The following NSUN3 variants were observed in gnomAD, a reference collection of about 807,000 sequenced individuals.
NSUN3 encodes the protein tRNA (cytosine(34)-C(5))-methyltransferase, mitochondrial.
NSUN3 carries 24 observed loss-of-function variants against 36.8 expected under a neutral mutation model. That is an observed-to-expected ratio of 0.65 (90% CI 0.47 to 0.92). The LOEUF (loss-of-function observed/expected upper bound fraction) is 0.92, where lower values mean the gene tolerates loss of function less well. Among genes scored for constraint, NSUN3 ranks in the 40% least tolerant of loss-of-function variants. The pLI, the probability that NSUN3 is intolerant of heterozygous loss-of-function variation, is 0.00. For synonymous variants in NSUN3, 146 were observed against 145.2 expected (o/e 1.01, Z -0.04); for missense variants, 381 against 392.8 (o/e 0.97, Z 0.25).
chr3:94,111,698 G>A (rs922134923), intron 5 of NSUN3, among the ~76,000 whole-genome samples: 3 of 151,964 alleles, frequency 2.0e-5, no homozygotes, highest in Non-Finnish European at 4.4e-5. Flanking sequence ...CCACCTCCAT[G>A]TCTTATCCCA....
chr3:94,063,872 C>T lies in NSUN3; in HGVS notation c.13-565C>T, dbSNP rs147896233. 790 of 152,524 alleles carry T rather than the reference C, an allele frequency of 5.2e-3. 6 individuals carry two copies. Among genetic ancestry groups the T allele is most frequent in the Middle Eastern group, 0.024 (7 of 296 alleles). 9.4% of individuals were successfully genotyped at this position (152,524 alleles called of 1,614,324 possible). A position where few individuals can be genotyped will look rare whatever the true frequency, so the allele number is the denominator to read the frequency against. ...GAACTGGGAAATGATCCTCTCGCCT[C>T]GTCCCTGCAAAGCATGAGCCAGCTG... On this transcript the variant is annotated intron_variant, in intron 1 of 5. Coordinates refer to ENST00000314622, the MANE Select transcript of NSUN3 (RefSeq NM_022072.5).
intron 2 of NSUN3, among the ~76,000 whole-genome samples, chr3:94,077,436 G>T (rs1195518926): frequency 6.6e-6 from 1 of 152,186 alleles, no homozygotes; most frequent in Non-Finnish European, 1.5e-5. Context: ...TTTGTGTCAA[G>T]ATTATGCTGG....
chr3:94,070,594 C>G (rs1471092678), intron 2 of NSUN3, among the ~76,000 whole-genome samples: 1 of 152,180 alleles, frequency 6.6e-6, no homozygotes, highest in African/African-American at 2.4e-5. Context: ...CCTCAACTTT[C>G]ATGTATTCTC....
chr3:94,109,389 G>T (rs375234232), intron 5 of NSUN3, among the ~76,000 whole-genome samples: 2 of 152,070 alleles, frequency 1.3e-5, no homozygotes, highest in South Asian at 4.2e-4. Context: ...ATCGGAGTTT[G>T]GTCAGAGTAA....
rs1206598334 is a variant in NSUN3, at chr3:94,129,934, T to G, written c.*3444T>G. Among the ~76,000 whole-genome samples, 3 of 151,814 alleles carry G rather than the reference T, an allele frequency of 2.0e-5. No individual in the cohort carries two copies. The highest frequency in any genetic ancestry group is 2.9e-5 in the Non-Finnish European group (2 of 67,964). ...TGCTTGGCTAATTTTTTTTGTATTT[T>G]TAGTAAAGATGGGGTTCCACCATCT... On this transcript the variant is annotated 3_prime_UTR_variant, in exon 6 of 6. Transcript: ENST00000314622.
intron 5 of NSUN3, among the ~76,000 whole-genome samples, chr3:94,117,144 G>T (rs1009633164): frequency 2.6e-5 from 4 of 151,596 alleles, no homozygotes; most frequent in African/African-American, 7.3e-5. Flanking sequence ...GGTTATAGGC[G>T]CACGCCACCA....
At chr3:94,076,211 T>G (rs1204329875) in intron 2 of NSUN3, 1 of 915,054 alleles carries the variant, frequency 1.1e-6, no homozygotes, top group East Asian at 2.4e-5. Context: ...GTGAGGTGAC[T>G]ACTGAACCTG....
chr3:94,073,641 G>C (rs1336787062), intron 2 of NSUN3, among the ~76,000 whole-genome samples: 1 of 152,120 alleles, frequency 6.6e-6, no homozygotes, highest in Non-Finnish European at 1.5e-5. Context: ...CTCACTTTTT[G>C]ATGAGGTTGT....
chr3:94,112,722 G>A (rs1190746235), intron 5 of NSUN3, among the ~76,000 whole-genome samples: 1 of 152,162 alleles, frequency 6.6e-6, no homozygotes, highest in African/African-American at 2.4e-5. Context: ...AGGCAGTTTA[G>A]GAAATTAGCC....
chr3:94,074,194 G>GT (rs2077237401), intron 2 of NSUN3, among the ~76,000 whole-genome samples: 1 of 152,162 alleles, frequency 6.6e-6, no homozygotes, highest in Non-Finnish European at 1.5e-5. Flanking sequence ...TGCCGTTTTG[G>GT]TTACTGTAGC....
chr3:94,127,543 T>C lies in NSUN3; in HGVS notation c.*1053T>C, dbSNP rs745958612. ...GGAATACTGTATACATTTCTTCTTA[T>C]GTACTTAGGGTTTTAGCTTCAGTCA... On this transcript the variant is annotated 3_prime_UTR_variant, in exon 6 of 6. Transcript: ENST00000314622. 4 of 152,214 alleles carry C rather than the reference T, an allele frequency of 2.6e-5. No individual in the cohort carries two copies. Among genetic ancestry groups the C allele is most frequent in the East Asian group, 1.9e-4 (1 of 5,196 alleles). 9.4% of individuals were successfully genotyped at this position (152,214 alleles called of 1,614,324 possible). A position where few individuals can be genotyped will look rare whatever the true frequency, so the allele number is the denominator to read the frequency against.
At chr3:94,070,329 T>C (rs2077220708) in intron 2 of NSUN3, among the ~76,000 whole-genome samples, 2 of 152,120 alleles carry the variant, frequency 1.3e-5, no homozygotes. Flanking sequence ...GGTGTGGTGG[T>C]GCGTGCCTGT....
At chr3:94,066,629 A>G (rs1049311660) in intron 2 of NSUN3, among the ~76,000 whole-genome samples, 1 of 152,018 alleles carries the variant, frequency 6.6e-6, no homozygotes. Context: ...TTCTTGCTCT[A>G]TTTGTTGCCT....
At chr3:94,088,304 C>T (rs547467713) in intron 3 of NSUN3, among the ~76,000 whole-genome samples, 1 of 152,066 alleles carries the variant, frequency 6.6e-6, no homozygotes, top group Non-Finnish European at 1.5e-5. Context: ...TTTTAGTAGT[C>T]TCTGCTTCCA....
rs769455827 is a variant in NSUN3, at chr3:94,131,340, G to C, written c.*4850G>C. Among the ~76,000 whole-genome samples, 17 of 152,078 alleles carry C rather than the reference G, an allele frequency of 1.1e-4. No individual in the cohort carries two copies. Among genetic ancestry groups the C allele is most frequent in the Admixed American group, 2.6e-4 (4 of 15,254 alleles). On this transcript the variant is annotated 3_prime_UTR_variant, in exon 6 of 6. Transcript: ENST00000314622. ...TAGAGCCGCGATCAAAACTGGCTCC[G>C]AGGTCCAGGCCCTTTTCCCAACACT...
intron 2 of NSUN3, among the ~76,000 whole-genome samples, chr3:94,072,307 A>G (rs181524342): frequency 3.9e-5 from 6 of 152,300 alleles, no homozygotes; most frequent in Admixed American, 1.3e-4. Context: ...TTTGAATCAG[A>G]TACTTCTGCG....
At chr3:94,087,869 A>G (rs966238496) in intron 3 of NSUN3, among the ~76,000 whole-genome samples, 2 of 152,048 alleles carry the variant, frequency 1.3e-5, no homozygotes, top group Non-Finnish European at 2.9e-5. Context: ...GGGTTTCACT[A>G]TGTTGCCCAG....
At position 94,063,124 on chromosome 3, in the gene NSUN3, A is replaced by G; in HGVS notation, c.-3A>G. On this transcript the variant is annotated 5_prime_UTR_variant, in exon 1 of 6. Transcript: ENST00000314622. ...CTGTTGTTTGAAAGCTCTCAGCGGG[A>G]CAATGCTGACCCAGGTGAGACCTGG... 1 of 1,614,030 alleles carries G rather than the reference A, an allele frequency of 6.2e-7. No individual in the cohort carries two copies. Among genetic ancestry groups the G allele is most frequent in the Non-Finnish European group, 8.5e-7 (1 of 1,179,978 alleles).
intron 5 of NSUN3, among the ~76,000 whole-genome samples, chr3:94,110,435 T>G (rs1163594227): frequency 1.3e-5 from 2 of 151,938 alleles, no homozygotes; most frequent in African/African-American, 4.8e-5. Context: ...GAGGCCCAAA[T>G]TGCTGAATTC....
Sources: allele counts gnomAD v4.1 joint callset (sites outside exome capture counted in the v4.1 genomes callset), GRCh38; gene constraint gnomAD v4.1.1; transcripts MANE v1.5; gene names NCBI Gene and HGNC (gene_info 2026-07-23, HGNC 2026-07-21).